The following CDK19 variants were observed in gnomAD, a reference collection of about 807,000 sequenced individuals.
CDK19 encodes cyclin dependent kinase 19, also known as cyclin-dependent kinase 19.
CDK19 carries 20 observed loss-of-function variants against 68.3 expected under a neutral mutation model. That is an observed-to-expected ratio of 0.29 (90% CI 0.21 to 0.43). CDK19 has a LOEUF of 0.43. Ranked by LOEUF, CDK19 falls within the 20% of genes least tolerant of loss-of-function variation. The pLI is 1.00. For missense variants in CDK19, 339 were observed against 623.5 expected (o/e 0.54, Z 4.86); for synonymous variants, 221 against 222.8 (o/e 0.99, Z 0.07).
intron 4 of CDK19, among the ~76,000 whole-genome samples, chr6:110,644,162 C>T (rs552473705): frequency 3.3e-5 from 5 of 151,738 alleles, no homozygotes; most frequent in Admixed American, 2.0e-4. Flanking sequence ...CATGATGGCC[C>T]GTGCCTGTAG....
At chr6:110,749,369 G>A (rs1174248583) in intron 1 of CDK19, among the ~76,000 whole-genome samples, 1 of 151,648 alleles carries the variant, frequency 6.6e-6, no homozygotes, top group African/African-American at 2.4e-5. Flanking sequence ...TTCCATCTGA[G>A]ACACTATGTT....
intron 1 of CDK19, 135 bp downstream of exon 1, chr6:110,814,874 T>A: frequency 8.3e-7 from 1 of 1,199,568 alleles, no homozygotes; most frequent in Non-Finnish European, 1.2e-6. Context: ...GGAGTCGGTG[T>A]CCGGACGCAA....
chr6:110,614,901 A>G (rs1039039314), intron 12 of CDK19, among the ~76,000 whole-genome samples: 4 of 152,178 alleles, frequency 2.6e-5, no homozygotes, highest in African/African-American at 4.8e-5. Flanking sequence ...TTTGTGGGAG[A>G]TAAGCTACAC....
chr6:110,781,168 G>T (rs1407485230), intron 1 of CDK19, among the ~76,000 whole-genome samples: 1 of 152,084 alleles, frequency 6.6e-6, no homozygotes, highest in Non-Finnish European at 1.5e-5. Flanking sequence ...GGTTCTGCAG[G>T]CCATATAAGA....
intron 2 of CDK19, among the ~76,000 whole-genome samples, chr6:110,684,629 T>C (rs1418439861): frequency 2.6e-5 from 4 of 152,184 alleles, no homozygotes; most frequent in Non-Finnish European, 5.9e-5. Context: ...GCTCCTTCTA[T>C]GGAGAATCCC....
intron 2 of CDK19, among the ~76,000 whole-genome samples, chr6:110,702,498 T>C (rs1433054657): frequency 6.6e-6 from 1 of 152,090 alleles, no homozygotes; most frequent in Non-Finnish European, 1.5e-5. Context: ...TGTTGGCATG[T>C]ACCTGTAGTC....
At chr6:110,787,900 C>T (rs1046096363) in intron 1 of CDK19, among the ~76,000 whole-genome samples, 14 of 149,892 alleles carry the variant, frequency 9.3e-5, no homozygotes, top group African/African-American at 3.0e-4. Flanking sequence ...AGTGCAGTGG[C>T]GTGATTTCGG....
intron 1 of CDK19, among the ~76,000 whole-genome samples, chr6:110,797,662 G>C (rs1476292335): frequency 1.3e-5 from 2 of 152,196 alleles, no homozygotes; most frequent in Non-Finnish European, 2.9e-5. Flanking sequence ...ACTATAGAAA[G>C]GAAACAGACT....
chr6:110,814,491 C>A, intron 1 of CDK19: 3 of 401,878 alleles, frequency 7.5e-6, no homozygotes, highest in Non-Finnish European at 1.5e-5. Flanking sequence ...GGCGGCGGTG[C>A]CCAGCGGGTC....
intron 1 of CDK19, among the ~76,000 whole-genome samples, chr6:110,752,111 A>G (rs1314475708): frequency 6.6e-6 from 1 of 152,162 alleles, no homozygotes; most frequent in Non-Finnish European, 1.5e-5. Flanking sequence ...ATTATTCAGT[A>G]TCATCATGAG....
intron 4 of CDK19, among the ~76,000 whole-genome samples, chr6:110,640,068 T>A (rs1396982674): frequency 6.6e-6 from 1 of 151,684 alleles, no homozygotes; most frequent in East Asian, 1.9e-4. Context: ...AATAATTTTT[T>A]AAAATAGCCT....
At chr6:110,674,330 T>G (rs1771290619) in intron 2 of CDK19, among the ~76,000 whole-genome samples, 2 of 152,114 alleles carry the variant, frequency 1.3e-5, no homozygotes, top group African/African-American at 4.8e-5. Context: ...CTCCAACTGT[T>G]CAAGTGAAAG....
At chr6:110,673,353 C>T (rs184563632) in intron 2 of CDK19, among the ~76,000 whole-genome samples, 124 of 152,280 alleles carry the variant, frequency 8.1e-4, no homozygotes, top group African/African-American at 2.9e-3. Flanking sequence ...TGCCCCTCAA[C>T]AGACATTTAG....
At chr6:110,757,314 G>A (rs949721533) in intron 1 of CDK19, among the ~76,000 whole-genome samples, 2 of 152,154 alleles carry the variant, frequency 1.3e-5, no homozygotes, top group African/African-American at 4.8e-5. Context: ...CCCGATAGTA[G>A]CAAATCTGGA....
chr6:110,760,530 C>T (rs570762882), intron 1 of CDK19, among the ~76,000 whole-genome samples: 1 of 150,646 alleles, frequency 6.6e-6, no homozygotes, highest in Non-Finnish European at 1.5e-5. Flanking sequence ...GAGTTCAAGA[C>T]TAGCCTGGGC....
At chr6:110,769,217 G>A (rs544380227) in intron 1 of CDK19, among the ~76,000 whole-genome samples, 19 of 142,654 alleles carry the variant, frequency 1.3e-4, no homozygotes, top group African/African-American at 3.1e-4. Flanking sequence ...ATAATGCAAC[G>A]ATACTGAATT....
At chr6:110,733,800 C>T (rs1776953459) in intron 2 of CDK19, among the ~76,000 whole-genome samples, 1 of 151,992 alleles carries the variant, frequency 6.6e-6, no homozygotes, top group Non-Finnish European at 1.5e-5. Flanking sequence ...TTAACTTTTT[C>T]TGGTTTTTGT....
intron 1 of CDK19, among the ~76,000 whole-genome samples, chr6:110,802,227 C>T (rs189811013): frequency 8.3e-4 from 127 of 152,304 alleles, no homozygotes; most frequent in African/African-American, 2.8e-3. Context: ...AAGACACCTG[C>T]ACTCGTATAT....
intron 2 of CDK19, among the ~76,000 whole-genome samples, chr6:110,691,465 C>T (rs1447630927): frequency 2.0e-5 from 3 of 150,540 alleles, no homozygotes; most frequent in Non-Finnish European, 4.4e-5. Flanking sequence ...CAGTGCAAGA[C>T]TCCGTCTCAA....
Sources: gnomAD v4.1 joint callset for allele counts (sites outside exome capture counted in the v4.1 genomes callset) on GRCh38, gnomAD v4.1.1 for gene constraint, MANE v1.5 for transcripts, NCBI Gene and HGNC (gene_info 2026-07-23, HGNC 2026-07-21) for gene names.